Variants in KRT6A observed in about 807,000 individuals in gnomAD.
KRT6A encodes the protein keratin, type II cytoskeletal 6A.
In KRT6A, 28 loss-of-function variants were observed where a neutral mutation model predicts 48.6. That is an observed-to-expected ratio of 0.58 (90% CI 0.43 to 0.79). The LOEUF is 0.79. KRT6A is among the 30% of genes least tolerant of loss of function. The probability of loss-of-function intolerance (pLI) is 0.00; values close to 1 mark genes in which losing one functional copy is unlikely to be tolerated. For synonymous variants in KRT6A, 301 were observed against 294.2 expected (o/e 1.02, Z -0.24); for missense variants, 687 against 724.3 (o/e 0.95, Z 0.59).
At chr12:52,489,516 T>G (rs1938215365) in intron 6 of KRT6A, among the ~76,000 whole-genome samples, 1 of 152,176 alleles carries the variant, frequency 6.6e-6, no homozygotes, top group South Asian at 2.1e-4. Context: ...CCTGACCTCA[T>G]GATCCACTAG....
Position 52,492,828 on chromosome 12 carries a change from C to T in KRT6A, c.361G>A (p.Gly121Ser), listed in dbSNP as rs753315066. The part of the protein sequence containing the change: ...GLGGGAGLAG[G>S]FGGPGFPVCP... ...ACAGGGAAGCCAGGGCCCCCAAAGCCACCAGCAAGGCCGGCTCCACCACCC... is the reference window on the plus strand; with the variant it reads ...ACAGGGAAGCCAGGGCCCCCAAAGCTACCAGCAAGGCCGGCTCCACCACCC... The change falls in exon 1 of 9, where the codon GGC (glycine) becomes AGC (serine). Residue 121 changes from glycine (G) to serine (S), a missense_variant. Physicochemically the swap from Gly to Ser is moderately conservative, Grantham distance 56. Around this residue, in one of 3 missense-constraint regions of KRT6A, gnomAD observed 566 missense variants for 565.3 expected, o/e 1.00. Coordinates refer to ENST00000330722, the MANE Select transcript of KRT6A (RefSeq NM_005554.4). The T allele has an allele frequency of 4.3e-6, 7 of 1,612,276 alleles. No homozygotes were observed. Among genetic ancestry groups the T allele is most frequent in the African/African-American group, 1.3e-5 (1 of 74,726 alleles).
Sources: allele counts gnomAD v4.1 joint callset (sites outside exome capture counted in the v4.1 genomes callset), GRCh38; gene constraint gnomAD v4.1.1; regional missense constraint gnomAD v4.1.1; transcripts MANE v1.5; gene names NCBI Gene and HGNC (gene_info 2026-07-23, HGNC 2026-07-21).